Variants in CNTNAP5 observed in about 807,000 individuals in gnomAD.
The protein encoded by CNTNAP5 is contactin-associated protein-like 5.
A neutral mutation model predicts 150.2 loss-of-function variants in CNTNAP5; 72 were observed. The ratio of observed to expected loss-of-function variants is 0.48; its 90% confidence interval spans 0.40 to 0.58. The LOEUF (loss-of-function observed/expected upper bound fraction) is 0.58, where lower values mean the gene tolerates loss of function less well. Among genes scored for constraint, CNTNAP5 ranks in the 20% least tolerant of loss-of-function variants. The probability of loss-of-function intolerance (pLI) is 0.00; values close to 1 mark genes in which losing one functional copy is unlikely to be tolerated. For synonymous variants in CNTNAP5, 672 were observed against 619.8 expected (o/e 1.08, Z -1.25); for missense variants, 1,636 against 1,626.2 (o/e 1.01, Z -0.10).
At chr2:124,647,682 C>T in intron 12 of CNTNAP5, 76 bp from the exon 13 acceptor site, 1 of 1,345,228 alleles carries the variant, frequency 7.4e-7, no homozygotes. Flanking sequence ...GCTGAGTGGC[C>T]CATCACACTG....
chr2:124,331,401 T>C (rs945622257), intron 3 of CNTNAP5, among the ~76,000 whole-genome samples: 8 of 152,124 alleles, frequency 5.3e-5, no homozygotes, highest in Non-Finnish European at 1.0e-4. Flanking sequence ...ATAGTATATC[T>C]ATGCAAGTGT....
rs79338958 is a variant in CNTNAP5, at chr2:124,380,344, C to T, written c.382-37099C>T. On this transcript the variant is annotated intron_variant, in intron 3 of 23. Transcript: ENST00000682447. ...GGGCTAGATTCAAAGACAGGTTCCTCTTCCTGCAATGCTCGTAGTTTTTCA... is the reference window on the plus strand; with the variant it reads ...GGGCTAGATTCAAAGACAGGTTCCTTTTCCTGCAATGCTCGTAGTTTTTCA... Among the ~76,000 whole-genome samples, 1,129 of 152,218 alleles carry T rather than the reference C, an allele frequency of 7.4e-3. 10 individuals are homozygous for T. Among genetic ancestry groups the T allele is most frequent in the East Asian group, 0.034 (177 of 5,158 alleles).
At chr2:124,747,418 G>C (rs1007566427) in intron 14 of CNTNAP5, 33 bp downstream of exon 14, 12 of 1,612,220 alleles carry the variant, frequency 7.4e-6, no homozygotes, top group Non-Finnish European at 8.5e-6. Flanking sequence ...TGCAATTGTA[G>C]AGAAAGCACA....
chr2:124,454,960 A>G (rs947005868), intron 6 of CNTNAP5, among the ~76,000 whole-genome samples: 3 of 152,154 alleles, frequency 2.0e-5, no homozygotes, highest in Non-Finnish European at 4.4e-5. Flanking sequence ...GCACAAGCAG[A>G]CAATCTAAGG....
chr2:124,273,453 A>G (rs567544286), intron 3 of CNTNAP5, among the ~76,000 whole-genome samples: 12 of 152,164 alleles, frequency 7.9e-5, no homozygotes, highest in Non-Finnish European at 1.5e-4. Context: ...TCTGGAGCTG[A>G]CTTAATGAGT....
intron 3 of CNTNAP5, among the ~76,000 whole-genome samples, chr2:124,303,793 G>A (rs1386125152): frequency 6.6e-6 from 1 of 152,074 alleles, no homozygotes; most frequent in African/African-American, 2.4e-5. Flanking sequence ...TGCATTTTGG[G>A]AGGCCACAGA....
intron 2 of CNTNAP5, among the ~76,000 whole-genome samples, chr2:124,231,349 C>A (rs1352729161): frequency 6.6e-6 from 1 of 152,090 alleles, no homozygotes; most frequent in Non-Finnish European, 1.5e-5. Context: ...ACTCATTTTT[C>A]TCATTTTTTA....
At chr2:124,220,860 G>A (rs1361043603) in intron 1 of CNTNAP5, among the ~76,000 whole-genome samples, 1 of 152,126 alleles carries the variant, frequency 6.6e-6, no homozygotes, top group African/African-American at 2.4e-5. Context: ...CTCATCATGA[G>A]TTTGGGAAAT....
intron 3 of CNTNAP5, among the ~76,000 whole-genome samples, chr2:124,356,474 C>T (rs955306566): frequency 3.9e-5 from 5 of 128,058 alleles, no homozygotes; most frequent in Non-Finnish European, 6.4e-5. Context: ...CACCCCACCA[C>T]AGTCCCCAGA....
intron 1 of CNTNAP5, among the ~76,000 whole-genome samples, chr2:124,107,743 T>C (rs1683199981): frequency 1.3e-5 from 2 of 152,212 alleles, no homozygotes; most frequent in Non-Finnish European, 2.9e-5. Context: ...ATTTAGAAAG[T>C]TTATTTTGTC....
intron 4 of CNTNAP5, among the ~76,000 whole-genome samples, chr2:124,420,210 C>T (rs1486205746): frequency 1.3e-5 from 2 of 151,508 alleles, no homozygotes; most frequent in African/African-American, 2.4e-5. Context: ...AGGCTGGTCT[C>T]GAACTCCTGA....
At chr2:124,162,184 C>G (rs1386097255) in intron 1 of CNTNAP5, among the ~76,000 whole-genome samples, 1 of 152,162 alleles carries the variant, frequency 6.6e-6, no homozygotes, top group East Asian at 1.9e-4. Context: ...TTCATGCTGC[C>G]AAGCCTGGCA....
chr2:124,248,417 A>C (rs1687083996), intron 3 of CNTNAP5, among the ~76,000 whole-genome samples: 2 of 152,222 alleles, frequency 1.3e-5, no homozygotes, highest in African/African-American at 4.8e-5. Flanking sequence ...TCATCATTCA[A>C]CTTGAATAAT....
chr2:124,294,344 A>G (rs1202208466), intron 3 of CNTNAP5, among the ~76,000 whole-genome samples: 2 of 152,258 alleles, frequency 1.3e-5, no homozygotes, highest in African/African-American at 4.8e-5. Context: ...ATTATAAAAT[A>G]AGTAAAACAG....
At chr2:124,649,562 C>A (rs1176629003) in intron 13 of CNTNAP5, among the ~76,000 whole-genome samples, 3 of 152,170 alleles carry the variant, frequency 2.0e-5, no homozygotes, top group Non-Finnish European at 4.4e-5. Flanking sequence ...ATTGACTTTG[C>A]AAATGTGTTC....
intron 11 of CNTNAP5, among the ~76,000 whole-genome samples, chr2:124,568,792 T>G (rs1696087575): frequency 6.6e-6 from 1 of 152,206 alleles, no homozygotes; most frequent in African/African-American, 2.4e-5. Flanking sequence ...ACGCCTGTAA[T>G]CCCAGCCCTT....
At chr2:124,906,975 A>G (rs1049882479) in intron 22 of CNTNAP5, among the ~76,000 whole-genome samples, 5 of 152,140 alleles carry the variant, frequency 3.3e-5, no homozygotes, top group African/African-American at 1.2e-4. Context: ...CCCTAATTTT[A>G]GAAATCTGTA....
rs149570014 is a variant in CNTNAP5 at position 124,625,866 on chromosome 2, G to A, written c.1876+15946G>A. Among the ~76,000 whole-genome samples, 626 of 152,258 alleles carry A rather than the reference G, an allele frequency of 4.1e-3. 5 individuals carry two copies. Among genetic ancestry groups the A allele is most frequent in the African/African-American group, 0.014 (597 of 41,552 alleles). On this transcript the variant is annotated intron_variant, in intron 12 of 23. Coordinates refer to ENST00000682447, the MANE Select transcript of CNTNAP5 (RefSeq NM_001367498.1). ...CCATCCATCTCTTACAGCAATTTTA[G>A]CTAGGCCATTTTATTTATTCGTACA...
chr2:124,632,149 C>T (rs1274599173), intron 12 of CNTNAP5, among the ~76,000 whole-genome samples: 1 of 152,068 alleles, frequency 6.6e-6, no homozygotes, highest in Non-Finnish European at 1.5e-5. Context: ...TGTGGCAATT[C>T]CTCAAAGACT....
Sources: gnomAD v4.1 joint callset for allele counts (sites outside exome capture counted in the v4.1 genomes callset) on GRCh38, gnomAD v4.1.1 for gene constraint, MANE v1.5 for transcripts, NCBI Gene and HGNC (gene_info 2026-07-23, HGNC 2026-07-21) for gene names.